The following PRDM11 variants were observed in gnomAD, a reference collection of about 807,000 sequenced individuals.
The protein encoded by PRDM11 is PR/SET domain 11, also known as PR domain-containing protein 11.
PRDM11 carries 20 observed loss-of-function variants against 97.8 expected under a neutral mutation model. The observed-to-expected ratio is 0.20, with a 90% confidence interval of 0.14 to 0.30. PRDM11 has a LOEUF of 0.30. Among genes scored for constraint, PRDM11 ranks in the 10% least tolerant of loss-of-function variants. The pLI, the probability that PRDM11 is intolerant of heterozygous loss-of-function variation, is 1.00. For synonymous variants in PRDM11, 599 were observed against 637.7 expected (o/e 0.94, Z 0.91); for missense variants, 1,139 against 1,555.2 (o/e 0.73, Z 4.50).
In PRDM11 at chr11:45,101,567, A is replaced by AAAGAAGAAGAAG. The variant is rs1554963213; in HGVS notation, c.96+5688_96+5699dup. 2.3e-4 allele frequency among the ~76,000 whole-genome samples: 22 copies of AAAGAAGAAGAAG among 96,810 alleles called. 1 individual carries two copies. The highest frequency in any genetic ancestry group is 0.011 in the Middle Eastern group (2 of 174). The allele number at this position is 96,810 out of a possible 152,430, so 63.5% of individuals were successfully genotyped here. A position where few individuals can be genotyped will look rare whatever the true frequency, so the allele number is the denominator to read the frequency against. Reference sequence around the variant, plus strand: ...CAACACTCTGTCTCAAAAAAAAAAAAAAGAAGAAGAAGAAGAAGAAGAAGA... The same window carrying AAAGAAGAAGAAG: ...CAACACTCTGTCTCAAAAAAAAAAAAAAGAAGAAGAAGAAGAAGAAGAAGAAGAAGAAGAAGA... On this transcript the variant is annotated intron_variant, in intron 1 of 6. Transcript: ENST00000530656.
intron 7 of PRDM11, among the ~76,000 whole-genome samples, chr11:45,225,563 G>A (rs187956026): frequency 8.5e-5 from 13 of 152,232 alleles, no homozygotes; most frequent in African/African-American, 3.1e-4. Context: ...AAATCACTTG[G>A]GGCCATATCC....
chr11:45,160,087 G>C (rs1035233943), intron 1 of PRDM11, among the ~76,000 whole-genome samples: 2 of 152,238 alleles, frequency 1.3e-5, no homozygotes, highest in Non-Finnish European at 2.9e-5. Flanking sequence ...CTTGATGCGA[G>C]TAGAGAGAGT....
rs191977134 is a variant in PRDM11 at position 45,168,616 on chromosome 11, A to G, written c.-6-13145A>G. ...TCTGGGCATCCTTTCAGCTCTACCC[A>G]GGTTGGAATCCCAGCCCTGCCCACT... is the stretch of plus-strand genomic sequence containing the variant. On this transcript the variant is annotated intron_variant, in intron 1 of 7. Coordinates refer to ENST00000683152, the MANE Select transcript of PRDM11 (RefSeq NM_001384648.1). Among the ~76,000 whole-genome samples the G allele has an allele frequency of 2.6e-5, 4 of 152,244 alleles. No individual in the cohort carries two copies. The East Asian group carries it at 7.7e-4, about 29-fold the overall frequency.
Position 45,227,881 on chromosome 11 carries a change from G to T in PRDM11, c.3256G>T (p.Ala1086Ser), listed in dbSNP as rs761035461. Reference sequence around the variant, plus strand: ...TCTTAAAGTCCTCCCCACTTCCACCGCTTGCTGCGAGAAAGGCCGCAATGC... The same window carrying T: ...TCTTAAAGTCCTCCCCACTTCCACCTCTTGCTGCGAGAAAGGCCGCAATGC... ...QVLKVLPTST[A>S]CCEKGRNALQ... Residue 1086 changes from alanine (A) to serine (S), a missense_variant, in exon 8 of 8, where the codon GCT becomes TCT. By Grantham distance (99) the Ala-to-Ser change is moderately conservative. Around this residue, in one of 2 missense-constraint regions of PRDM11, gnomAD observed 710 missense variants for 1,044.9 expected, o/e 0.68. Coordinates refer to ENST00000683152, the MANE Select transcript of PRDM11 (RefSeq NM_001384648.1). This position sits in a 1 kb window ranked among gnomAD's most constrained non-coding sequence, Gnocchi z 8.0. 14 of 1,533,740 alleles carry T rather than the reference G, an allele frequency of 9.1e-6. No individual in the cohort carries two copies. The highest frequency in any genetic ancestry group is 1.2e-5 in the Non-Finnish European group (14 of 1,146,730).
Position 45,229,784 on chromosome 11 carries a change from A to T in PRDM11, c.*1625A>T, listed in dbSNP as rs1449328623. On this transcript the variant is annotated 3_prime_UTR_variant, in exon 8 of 8. Coordinates refer to ENST00000683152, the MANE Select transcript of PRDM11 (RefSeq NM_001384648.1). Reference sequence around the variant, plus strand: ...GGGGAGGGAGGAAGATCTGAATTATATACATGTGGTCAGTTCTGCTGAGAG... The same window carrying T: ...GGGGAGGGAGGAAGATCTGAATTATTTACATGTGGTCAGTTCTGCTGAGAG... 6.6e-6 allele frequency: 1 copy of T among 152,218 alleles called. No homozygotes were observed. The allele number at this position is 152,218 out of a possible 1,614,324, so 9.4% of individuals were successfully genotyped here.
At chr11:45,180,868 C>T (rs1207161235) in intron 1 of PRDM11, among the ~76,000 whole-genome samples, 1 of 151,772 alleles carries the variant, frequency 6.6e-6, no homozygotes, top group Non-Finnish European at 1.5e-5. Flanking sequence ...CGCGCGCCCC[C>T]GGCCCTGCTG....
Position 45,226,052 on chromosome 11 carries a change from A to G in PRDM11, c.1427A>G (p.Asp476Gly). ...ATGGAGGATGATGACCAGGAAGTCGATTCAGCAGATGAATCTGTCTCCAAT... is the reference window on the plus strand; with the variant it reads ...ATGGAGGATGATGACCAGGAAGTCGGTTCAGCAGATGAATCTGTCTCCAAT... ...AIMEDDDQEV[D>G]SADESVSNDM... The change falls in exon 8 of 8, where the codon GAT (aspartate) becomes GGT (glycine). Residue 476 changes from aspartate (D) to glycine (G), a missense_variant. This residue lies in a region of PRDM11 where 710 missense variants were observed against 1,044.9 expected (regional missense o/e 0.68). Transcript: ENST00000683152. 1 of 1,516,244 alleles carries G rather than the reference A, an allele frequency of 6.6e-7. No homozygotes were observed. The highest frequency in any genetic ancestry group is 1.2e-5 in the South Asian group (1 of 83,540). 93.9% of individuals were successfully genotyped at this position (1,516,244 alleles called of 1,614,324 possible).
intron 4 of PRDM11, among the ~76,000 whole-genome samples, chr11:45,203,902 A>G (rs1000225598): frequency 2.0e-5 from 3 of 152,246 alleles, no homozygotes; most frequent in Non-Finnish European, 4.4e-5. Context: ...TGAAAAGGAT[A>G]TGAGTCTTGG....
At chr11:45,208,962 G>A in intron 5 of PRDM11, 1 of 456,778 alleles carries the variant, frequency 2.2e-6, no homozygotes. Flanking sequence ...GACCCACCAT[G>A]AAGCAGTGCT....
chr11:45,223,938 C>A (rs1854189266), intron 6 of PRDM11, among the ~76,000 whole-genome samples: 1 of 152,146 alleles, frequency 6.6e-6, no homozygotes, highest in Non-Finnish European at 1.5e-5. Context: ...ATTACTCTCC[C>A]TTATAGATTT....
chr11:45,169,446 TA>T (rs1852147852), intron 1 of PRDM11, among the ~76,000 whole-genome samples: 1 of 152,248 alleles, frequency 6.6e-6, no homozygotes, highest in Non-Finnish European at 1.5e-5. Context: ...TTGTTTTATA[TA>T]ACACACTTAC....
intron 1 of PRDM11, among the ~76,000 whole-genome samples, chr11:45,115,716 C>T (rs991373084): frequency 2.0e-5 from 3 of 151,766 alleles, no homozygotes; most frequent in East Asian, 1.9e-4. Flanking sequence ...GATCACCTGA[C>T]GTCAGGAGTT....
intron 1 of PRDM11, among the ~76,000 whole-genome samples, chr11:45,153,772 T>G (rs4755952): frequency 0.55 from 83,226 of 152,024 alleles, 25,377 homozygotes; most frequent in African/African-American, 0.81. Context: ...TTTTCCTCTG[T>G]GTTTGCAGGA....
At chr11:45,200,301 A>T (rs1203396618) in intron 4 of PRDM11, among the ~76,000 whole-genome samples, 7 of 152,158 alleles carry the variant, frequency 4.6e-5, no homozygotes, top group Admixed American at 1.3e-4. Context: ...AACTGCCAAG[A>T]CTGATTACAA....
chr11:45,226,911 G>A lies in PRDM11; in HGVS notation c.2286G>A (p.Val762=). The change falls in exon 8 of 8, where the codon GTG becomes GTA. Residue 762 remains valine, a synonymous_variant. Transcript: ENST00000683152. ...LPWLLCLPFM[V]HRPHLEILDA... is the part of the protein sequence containing the mutation. ...GGCTGCTGTGCCTGCCCTTCATGGT[G>A]CACCGGCCCCACCTGGAGATCCTGG... 6.5e-7 allele frequency: 1 copy of A among 1,533,962 alleles called. No homozygotes were observed. The highest frequency in any genetic ancestry group is 1.4e-5 in the African/African-American group (1 of 73,100).
rs78170498 is a variant in PRDM11 at position 45,100,554 on chromosome 11, T to C, written c.96+4653T>C. ...AGCCATACCCACCCACTGGTGCTCA[T>C]CATCATCTGCTGCTGCTGATTGGCT... is the stretch of plus-strand genomic sequence containing the variant. On this transcript the variant is annotated intron_variant, in intron 1 of 6. Coordinates refer to the PRDM11 transcript ENST00000530656. 5.1e-3 allele frequency among the ~76,000 whole-genome samples: 782 copies of C among 152,310 alleles called. 5 individuals are homozygous for C. The highest frequency in any genetic ancestry group is 0.018 in the African/African-American group (739 of 41,550).
At chr11:45,207,509 T>G (rs1480563625) in intron 5 of PRDM11, among the ~76,000 whole-genome samples, 1 of 152,226 alleles carries the variant, frequency 6.6e-6, no homozygotes, top group Non-Finnish European at 1.5e-5. Context: ...GATAAAATCC[T>G]GCATTACACA....
intron 1 of PRDM11, among the ~76,000 whole-genome samples, chr11:45,136,026 T>A (rs973894238): frequency 2.6e-5 from 4 of 152,078 alleles, no homozygotes; most frequent in African/African-American, 9.7e-5. Context: ...GCTAAGGAAA[T>A]TGGAATAATC....
chr11:45,153,953 A>G (rs1851726065), intron 1 of PRDM11, among the ~76,000 whole-genome samples: 1 of 152,206 alleles, frequency 6.6e-6, no homozygotes, highest in Non-Finnish European at 1.5e-5. Flanking sequence ...CACAGCTATC[A>G]TCTCATTTTT....
Sources: allele counts gnomAD v4.1 joint callset (sites outside exome capture counted in the v4.1 genomes callset), GRCh38; gene constraint gnomAD v4.1.1; regional missense constraint gnomAD v4.1.1; non-coding constraint Gnocchi (gnomAD v3.1); transcripts MANE v1.5; gene names NCBI Gene and HGNC (gene_info 2026-07-23, HGNC 2026-07-21).